The following PREX1 variants were observed in gnomAD, a reference collection of about 807,000 sequenced individuals.
PREX1 encodes the protein phosphatidylinositol 3,4,5-trisphosphate-dependent Rac exchanger 1 protein.
Under a neutral mutation model 198.3 loss-of-function variants are expected in PREX1, and 41 were observed. The observed-to-expected ratio is 0.21, with a 90% confidence interval of 0.16 to 0.27. The LOEUF is 0.27. Among genes scored for constraint, PREX1 ranks in the 10% least tolerant of loss-of-function variants. The pLI, the probability that PREX1 is intolerant of heterozygous loss-of-function variation, is 1.00. For synonymous variants in PREX1, 843 were observed against 887.2 expected, an observed-to-expected ratio of 0.95 and a Z score of 0.89; for missense variants, 1,620 against 2,200.7, an observed-to-expected ratio of 0.74 and a Z score of 5.28.
intron 15 of PREX1, among the ~76,000 whole-genome samples, chr20:48,665,538 C>T (rs942955009): frequency 2.0e-5 from 3 of 152,190 alleles, no homozygotes; most frequent in African/African-American, 4.8e-5. Context: ...GTTCTAATCC[C>T]GATTTCTACT....
intron 1 of PREX1, among the ~76,000 whole-genome samples, chr20:48,826,795 G>A (rs1175266191): frequency 6.6e-6 from 1 of 152,162 alleles, no homozygotes. Context: ...GGAGGCGGAG[G>A]TTGCAGTGAA....
At chr20:48,861,675 T>G in the PREX1 span, among the ~76,000 whole-genome samples, 1 of 151,286 alleles carries the variant, frequency 6.6e-6, no homozygotes, top group East Asian at 1.9e-4. Flanking sequence ...AATTTAGGGG[T>G]TTTCCATCAT....
chr20:48,784,199 C>T (rs758702201), intron 1 of PREX1, among the ~76,000 whole-genome samples: 2 of 152,158 alleles, frequency 1.3e-5, no homozygotes, highest in Non-Finnish European at 2.9e-5. Flanking sequence ...AGTCCAAAAA[C>T]GGGCTCCAGG....
At chr20:48,816,507 G>A (rs1015234295) in intron 1 of PREX1, among the ~76,000 whole-genome samples, 2 of 152,166 alleles carry the variant, frequency 1.3e-5, no homozygotes, top group African/African-American at 2.4e-5. Flanking sequence ...CTTAAAAGAC[G>A]CCTGCGGGGG....
At chr20:48,865,529 A>G in the PREX1 span, among the ~76,000 whole-genome samples, 1 of 152,176 alleles carries the variant, frequency 6.6e-6, no homozygotes, top group Non-Finnish European at 1.5e-5. Context: ...TGCTATCCTG[A>G]TTGTTACAAA....
At chr20:48,754,809 T>C (rs1361207594) in intron 1 of PREX1, among the ~76,000 whole-genome samples, 2 of 151,832 alleles carry the variant, frequency 1.3e-5, no homozygotes, top group African/African-American at 2.4e-5. Flanking sequence ...AAGCACAGTG[T>C]CATGGAACAG....
intron 15 of PREX1, among the ~76,000 whole-genome samples, chr20:48,661,444 A>AAAAATATATATATATAT (rs1555832820): frequency 2.0e-5 from 1 of 49,594 alleles, no homozygotes; most frequent in Non-Finnish European, 3.1e-5. Context: ...AAAAAAAAAA[A>AAAAATATATATATATAT]ATATATATAT....
intron 1 of PREX1, among the ~76,000 whole-genome samples, chr20:48,791,313 T>G (rs1191505138): frequency 1.3e-5 from 2 of 152,200 alleles, no homozygotes; most frequent in African/African-American, 4.8e-5. Flanking sequence ...TAACGGTGGC[T>G]GACATGACTG....
chr20:48,881,695 C>G, the PREX1 span, among the ~76,000 whole-genome samples: 1 of 152,122 alleles, frequency 6.6e-6, no homozygotes, highest in Admixed American at 6.6e-5. Context: ...CCCTATTGGC[C>G]GGGCTGGTCT....
intron 25 of PREX1, 99 bp downstream of exon 25, chr20:48,649,201 C>A (rs777976318): frequency 4.8e-5 from 63 of 1,310,306 alleles, no homozygotes; most frequent in Non-Finnish European, 5.5e-5. Flanking sequence ...GGACAGCCCA[C>A]CCCCCACTAC....
intron 7 of PREX1, among the ~76,000 whole-genome samples, chr20:48,699,201 T>C (rs967617332): frequency 1.3e-5 from 2 of 152,148 alleles, no homozygotes; most frequent in Non-Finnish European, 2.9e-5. Flanking sequence ...GTCAGTGGCA[T>C]GGCCTAGGAC....
At position 48,653,315 on chromosome 20, in the gene PREX1, C is replaced by A; in HGVS notation, c.2346+46G>T. On this transcript the variant is annotated intron_variant, in intron 20 of 39. Coordinates refer to ENST00000371941, the MANE Select transcript of PREX1 (RefSeq NM_020820.4). ...AGGACAGCCCTCAGCCACCCACCCCCACTCAGCAGGACTTCTTTGACGGCC... is the reference window on the plus strand; with the variant it reads ...AGGACAGCCCTCAGCCACCCACCCCAACTCAGCAGGACTTCTTTGACGGCC... The A allele has an allele frequency of 3.1e-6, 5 of 1,598,002 alleles. No individual in the cohort carries two copies. In the South Asian group the frequency reaches 3.3e-5, roughly 11 times the overall value.
intron 39 of PREX1, among the ~76,000 whole-genome samples, 187 bp downstream of exon 39, chr20:48,627,361 G>A (rs148396411): frequency 5.5e-4 from 83 of 152,172 alleles, no homozygotes; most frequent in African/African-American, 1.9e-3. Context: ...TCATCTTCCC[G>A]GTGGGAGCAG....
At chr20:48,713,278 C>T (rs1261765071) in intron 5 of PREX1, among the ~76,000 whole-genome samples, 1 of 152,016 alleles carries the variant, frequency 6.6e-6, no homozygotes, top group Non-Finnish European at 1.5e-5. Context: ...ATGGCAAAAC[C>T]CCATCTCTAC....
intron 5 of PREX1, among the ~76,000 whole-genome samples, chr20:48,723,726 T>A (rs960732191): frequency 1.3e-5 from 2 of 152,114 alleles, no homozygotes; most frequent in African/African-American, 4.8e-5. Context: ...CTGCCCCTGC[T>A]CTCTCTGTTC....
At chr20:48,747,765 CAACACAGATGCTCTAG>C (rs767618782) in intron 2 of PREX1, 28 bp downstream of exon 2, 2 of 1,562,680 alleles carry the variant, frequency 1.3e-6, no homozygotes, top group South Asian at 2.3e-5. Flanking sequence ...AGGCACAAAG[CAACACAGATGCTCTAG>C]AACAGGGGCC....
chr20:48,661,444 A>AAAAATATATAT (rs1555832820), intron 15 of PREX1, among the ~76,000 whole-genome samples: 1 of 49,596 alleles, frequency 2.0e-5, no homozygotes, highest in Non-Finnish European at 3.1e-5. Flanking sequence ...AAAAAAAAAA[A>AAAAATATATAT]ATATATATAT....
intron 22 of PREX1, 104 bp from the exon 23 acceptor site, chr20:48,651,159 G>T (rs1392059400): frequency 5.2e-5 from 74 of 1,422,306 alleles, no homozygotes; most frequent in Non-Finnish European, 1.2e-5. Flanking sequence ...CCCCCGGGAA[G>T]TCAGGTGTGT....
chr20:48,714,830 T>C (rs2089954416), intron 5 of PREX1, among the ~76,000 whole-genome samples: 2 of 152,180 alleles, frequency 1.3e-5, no homozygotes, highest in African/African-American at 4.8e-5. Context: ...TTCCATCTCT[T>C]ATTTGAAAAA....
Sources: gnomAD v4.1 joint callset for allele counts (sites outside exome capture counted in the v4.1 genomes callset) on GRCh38, gnomAD v4.1.1 for gene constraint, MANE v1.5 for transcripts, NCBI Gene and HGNC (gene_info 2026-07-23, HGNC 2026-07-21) for gene names.